Variants in EPHA3 observed in about 807,000 individuals in gnomAD.
EPHA3 encodes EPH receptor A3.
EPHA3 carries 42 observed loss-of-function variants against 107.1 expected under a neutral mutation model. The ratio of observed to expected loss-of-function variants is 0.39; its 90% CI spans 0.31 to 0.51. The LOEUF is 0.51. Among genes scored for constraint, EPHA3 ranks in the 20% least tolerant of loss-of-function variants. The probability of loss-of-function intolerance (pLI) is 0.78; values close to 1 mark genes in which losing one functional copy is unlikely to be tolerated. For missense variants in EPHA3, 1,183 were observed against 1,211.2 expected, an observed-to-expected ratio of 0.98 and a Z score of 0.35; for synonymous variants, 461 against 424.8, an observed-to-expected ratio of 1.09 and a Z score of -1.05.
At chr3:89,471,399 G>T (rs868479307) in intron 15 of EPHA3, among the ~76,000 whole-genome samples, 4 of 151,942 alleles carry the variant, frequency 2.6e-5, no homozygotes, top group African/African-American at 9.7e-5. Flanking sequence ...ACGGAGTTTC[G>T]CTCCTGTTGC....
At chr3:89,283,259 T>A (rs1266557044) in intron 3 of EPHA3, among the ~76,000 whole-genome samples, 6 of 152,136 alleles carry the variant, frequency 3.9e-5, no homozygotes, top group Non-Finnish European at 5.9e-5. Flanking sequence ...CAAGCCCTTG[T>A]GTAACTGAAA....
chr3:89,246,416 T>C (rs1309365775), intron 3 of EPHA3, among the ~76,000 whole-genome samples: 1 of 151,366 alleles, frequency 6.6e-6, no homozygotes, highest in Non-Finnish European at 1.5e-5. Context: ...GTTATTTATT[T>C]GGAAGATAGA....
intron 1 of EPHA3, among the ~76,000 whole-genome samples, chr3:89,110,342 C>T (rs930103620): frequency 6.6e-6 from 1 of 151,854 alleles, no homozygotes; most frequent in African/African-American, 2.4e-5. Context: ...AGGACATTTG[C>T]AGTTGTGTGA....
intron 1 of EPHA3, among the ~76,000 whole-genome samples, chr3:89,113,243 G>C (rs1559736743): frequency 6.6e-6 from 1 of 151,996 alleles, no homozygotes; most frequent in Non-Finnish European, 1.5e-5. Flanking sequence ...AGAAATATTA[G>C]TAAAAGCAAT....
intron 3 of EPHA3, among the ~76,000 whole-genome samples, chr3:89,316,857 C>A (rs2107371766): frequency 6.6e-6 from 1 of 151,696 alleles, no homozygotes; most frequent in South Asian, 2.1e-4. Context: ...TCCTTTGTAT[C>A]AGACACTTTA....
chr3:89,256,518 C>T (rs28620812), intron 3 of EPHA3, among the ~76,000 whole-genome samples: 33,603 of 151,750 alleles, frequency 0.22, 4,051 homozygotes, highest in Non-Finnish European at 0.27. Flanking sequence ...GAGCCGAGAT[C>T]GTGCCATTGC....
chr3:89,456,266 A>T (rs1710095604), intron 15 of EPHA3, among the ~76,000 whole-genome samples: 1 of 151,250 alleles, frequency 6.6e-6, no homozygotes, highest in African/African-American at 2.5e-5. Flanking sequence ...TCAAAACTGA[A>T]TTCGTGGCTG....
At chr3:89,280,166 TCCTGC>T (rs1470693447) in intron 3 of EPHA3, among the ~76,000 whole-genome samples, 1 of 152,186 alleles carries the variant, frequency 6.6e-6, no homozygotes, top group Non-Finnish European at 1.5e-5. Context: ...GATATTTATT[TCCTGC>T]AAAAATAGAT....
chr3:89,142,060 A>AT (rs1559750057), intron 2 of EPHA3, among the ~76,000 whole-genome samples: 2 of 151,346 alleles, frequency 1.3e-5, no homozygotes, highest in African/African-American at 2.4e-5. Flanking sequence ...CTAAATATTA[A>AT]TTTTATATTG....
chr3:89,222,524 T>C (rs1704405172), intron 3 of EPHA3, among the ~76,000 whole-genome samples: 1 of 149,690 alleles, frequency 6.7e-6, no homozygotes, highest in African/African-American at 2.4e-5. Context: ...AATATATGTA[T>C]GTATAGATGT....
At chr3:89,324,900 A>G (rs781327697) in intron 3 of EPHA3, among the ~76,000 whole-genome samples, 2 of 152,006 alleles carry the variant, frequency 1.3e-5, no homozygotes. Flanking sequence ...AGCCATCTTT[A>G]TATTTGCGAG....
intron 10 of EPHA3, among the ~76,000 whole-genome samples, chr3:89,417,141 T>C (rs933704749): frequency 6.6e-6 from 1 of 151,450 alleles, no homozygotes; most frequent in Non-Finnish European, 1.5e-5. Context: ...GTACTTAACA[T>C]ACATTAGTTC....
intron 3 of EPHA3, among the ~76,000 whole-genome samples, chr3:89,278,928 A>G (rs1705875140): frequency 6.6e-6 from 1 of 152,206 alleles, no homozygotes; most frequent in South Asian, 2.1e-4. Context: ...TTAGAACTGC[A>G]TCTTTTTAAC....
At chr3:89,245,615 A>G (rs1161159046) in intron 3 of EPHA3, among the ~76,000 whole-genome samples, 1 of 152,240 alleles carries the variant, frequency 6.6e-6, no homozygotes, top group Middle Eastern at 3.2e-3. Context: ...TTGGACTCCC[A>G]TCATTGTGAA....
rs1051331610 is a variant in EPHA3 at position 89,329,962 on chromosome 3, G to C, written c.815-10954G>C. 8.6e-5 allele frequency among the ~76,000 whole-genome samples: 13 copies of C among 151,828 alleles called. No individual in the cohort carries two copies. The Middle Eastern group carries it at 0.014, about 161-fold the overall frequency. On this transcript the variant is annotated intron_variant, in intron 3 of 16. Transcript: ENST00000336596. ...AAAATATTTTTTATTAAATAAGATA[G>C]AACTCATTTTATGTGAAAATCAAAT...
intron 12 of EPHA3, 31 bp from the exon 13 acceptor site, chr3:89,431,119 A>G (rs1185855268): frequency 1.3e-6 from 2 of 1,598,348 alleles, no homozygotes; most frequent in Admixed American, 3.4e-5. Context: ...ATAGGAACGT[A>G]TCTTAATTGT....
Position 89,440,090 on chromosome 3 carries a change from C to T in EPHA3, c.2346+8731C>T, listed in dbSNP as rs565819933. On this transcript the variant is annotated intron_variant, in intron 13 of 16. Transcript: ENST00000336596. ...TTTGCTGAAACTATTCTCTCAGTGGCGCTGAGATTTGAACTGCTGGGGATA... is the reference window on the plus strand; with the variant it reads ...TTTGCTGAAACTATTCTCTCAGTGGTGCTGAGATTTGAACTGCTGGGGATA... Among the ~76,000 whole-genome samples, 9 of 152,192 alleles carry T rather than the reference C, an allele frequency of 5.9e-5. No homozygotes were observed. The East Asian group carries it at 7.7e-4, about 13-fold the overall frequency.
chr3:89,304,072 T>C (rs1255199592), intron 3 of EPHA3, among the ~76,000 whole-genome samples: 1 of 152,070 alleles, frequency 6.6e-6, no homozygotes, highest in Non-Finnish European at 1.5e-5. Flanking sequence ...AGAGAACTCT[T>C]AGTCTCTGTT....
intron 2 of EPHA3, among the ~76,000 whole-genome samples, chr3:89,200,014 T>C (rs536615511): frequency 1.8e-3 from 274 of 152,316 alleles, no homozygotes; most frequent in Middle Eastern, 6.8e-3. Context: ...GCAGCAAGAC[T>C]AATGAATAGA....
Sources: gnomAD v4.1 joint callset for allele counts (sites outside exome capture counted in the v4.1 genomes callset) on GRCh38, gnomAD v4.1.1 for gene constraint, MANE v1.5 for transcripts, NCBI Gene and HGNC (gene_info 2026-07-23, HGNC 2026-07-21) for gene names.